The following NCAM2 variants were observed in gnomAD, a reference collection of about 807,000 sequenced individuals.
NCAM2 encodes neural cell adhesion molecule 2.
In NCAM2, 30 loss-of-function variants were observed where a neutral mutation model predicts 98.1. The observed-to-expected ratio is 0.31, with a 90% CI of 0.23 to 0.41. The LOEUF (loss-of-function observed/expected upper bound fraction) is 0.41, where lower values mean the gene tolerates loss of function less well. NCAM2 is among the 10% of genes least tolerant of loss of function. The pLI is 1.00. For missense variants in NCAM2, 867 were observed against 1,005.8 expected (o/e 0.86, Z 1.87); for synonymous variants, 368 against 342.4 (o/e 1.07, Z -0.83).
chr21:21,149,358 A>T (rs1414754043), intron 1 of NCAM2, among the ~76,000 whole-genome samples: 1 of 152,004 alleles, frequency 6.6e-6, no homozygotes, highest in African/African-American at 2.4e-5. Flanking sequence ...AATATTTCTC[A>T]ATTTATTTAG....
chr21:21,376,858 A>G (rs1171908203), intron 9 of NCAM2, among the ~76,000 whole-genome samples: 1 of 151,784 alleles, frequency 6.6e-6, no homozygotes, highest in African/African-American at 2.4e-5. Flanking sequence ...AACAGGGATG[A>G]AAGGTCTTGT....
At chr21:21,473,631 T>C (rs1984768878) in intron 14 of NCAM2, among the ~76,000 whole-genome samples, 1 of 151,756 alleles carries the variant, frequency 6.6e-6, no homozygotes, top group Admixed American at 6.6e-5. Flanking sequence ...TTCTCTATTG[T>C]CCTCTCATTT....
chr21:21,068,562 C>T (rs1184608206), intron 1 of NCAM2, among the ~76,000 whole-genome samples: 5 of 150,852 alleles, frequency 3.3e-5, no homozygotes, highest in East Asian at 4.0e-4. Context: ...CAGGTTCACG[C>T]GATTCTTCTG....
At chr21:21,201,417 G>A (rs1184529973) in intron 1 of NCAM2, among the ~76,000 whole-genome samples, 1 of 152,160 alleles carries the variant, frequency 6.6e-6, no homozygotes, top group African/African-American at 2.4e-5. Context: ...AAAACAGCAA[G>A]TTTACATCCT....
At chr21:21,122,399 T>A (rs2064485881) in intron 1 of NCAM2, among the ~76,000 whole-genome samples, 1 of 152,196 alleles carries the variant, frequency 6.6e-6, no homozygotes, top group South Asian at 2.1e-4. Flanking sequence ...AGGAAGAAGA[T>A]AGTTTTGAAT....
At chr21:21,253,980 A>G (rs2071567269) in intron 1 of NCAM2, among the ~76,000 whole-genome samples, 2 of 152,190 alleles carry the variant, frequency 1.3e-5, no homozygotes. Context: ...TATAAAATTT[A>G]AGACCTATGG....
chr21:21,092,954 CAAT>C (rs1175978116), intron 1 of NCAM2, among the ~76,000 whole-genome samples: 4 of 152,158 alleles, frequency 2.6e-5, no homozygotes, highest in African/African-American at 9.6e-5. Flanking sequence ...ATTTTTGCAA[CAAT>C]GAGTGGAATA....
intron 1 of NCAM2, among the ~76,000 whole-genome samples, chr21:21,157,928 A>G (rs768425798): frequency 6.6e-6 from 1 of 152,130 alleles, no homozygotes; most frequent in African/African-American, 2.4e-5. Flanking sequence ...CTCCTAATAC[A>G]AAAGATGTTT....
At chr21:21,108,904 A>C (rs373655460) in intron 1 of NCAM2, among the ~76,000 whole-genome samples, 42 of 152,236 alleles carry the variant, frequency 2.8e-4, no homozygotes, top group African/African-American at 5.8e-4. Flanking sequence ...CAACCCCACT[A>C]TTTGCTAACT....
At chr21:21,082,713 C>T (rs919946247) in intron 1 of NCAM2, among the ~76,000 whole-genome samples, 6 of 152,190 alleles carry the variant, frequency 3.9e-5, no homozygotes, top group Non-Finnish European at 7.4e-5. Context: ...TTATTATGTT[C>T]ATCTTTATGT....
intron 1 of NCAM2, among the ~76,000 whole-genome samples, chr21:21,136,623 G>GT (rs2067057882): frequency 1.8e-5 from 1 of 55,750 alleles, no homozygotes; most frequent in Non-Finnish European, 3.5e-5. Flanking sequence ...CACCACGCCT[G>GT]TTTTTTGTTT....
At chr21:21,279,313 CCTTTGATGGTAAAT>C (rs975381989) in intron 1 of NCAM2, among the ~76,000 whole-genome samples, 3 of 152,110 alleles carry the variant, frequency 2.0e-5, no homozygotes, top group Non-Finnish European at 4.4e-5. Flanking sequence ...TTTATACCCT[CCTTTGATGGTAAAT>C]CTTATTCCAG....
chr21:21,237,931 G>A (rs1401400921), intron 1 of NCAM2, among the ~76,000 whole-genome samples: 1 of 136,410 alleles, frequency 7.3e-6, no homozygotes, highest in Non-Finnish European at 1.6e-5. Flanking sequence ...GTTAAATTTT[G>A]TCCAGGGCAT....
intron 8 of NCAM2, among the ~76,000 whole-genome samples, chr21:21,343,570 AG>A (rs2147900972): frequency 1.3e-5 from 2 of 152,298 alleles, no homozygotes; most frequent in East Asian, 3.9e-4. Flanking sequence ...TGGGAGCTGG[AG>A]GAGAGAGAAC....
chr21:21,038,989 A>G (rs189725396), intron 1 of NCAM2, among the ~76,000 whole-genome samples: 1 of 152,324 alleles, frequency 6.6e-6, no homozygotes, highest in Admixed American at 6.5e-5. Flanking sequence ...ATATTTCTTG[A>G]TCAGAGAAAC....
At chr21:21,465,285 C>G (rs1391794240) in intron 12 of NCAM2, among the ~76,000 whole-genome samples, 1 of 151,646 alleles carries the variant, frequency 6.6e-6, no homozygotes, top group Non-Finnish European at 1.5e-5. Context: ...TAAATGATTA[C>G]AATACAAAAT....
rs1989887372 is a variant in NCAM2 at position 21,534,675 on chromosome 21, T to C, written c.2402+19T>C. On this transcript the variant is annotated intron_variant, in intron 17 of 17. Transcript: ENST00000400546. ...AACCTGAGTATGTGGCTTGGAGTGC[T>C]CACTTATGTTCAAATGGGTATTGGC... 6 of 1,547,778 alleles carry C rather than the reference T, an allele frequency of 3.9e-6. No homozygotes were observed.
intron 1 of NCAM2, among the ~76,000 whole-genome samples, chr21:21,201,812 T>C (rs565479150): frequency 6.6e-6 from 1 of 152,314 alleles, no homozygotes; most frequent in East Asian, 1.9e-4. Context: ...TCTCAAATAA[T>C]GGTCTCTGGA....
chr21:21,368,186 A>C (rs2075831798), intron 8 of NCAM2, among the ~76,000 whole-genome samples: 1 of 152,000 alleles, frequency 6.6e-6, no homozygotes, highest in South Asian at 2.1e-4. Flanking sequence ...ATACAGCCAT[A>C]GTATAATTTT....
Sources: allele counts gnomAD v4.1 joint callset (sites outside exome capture counted in the v4.1 genomes callset), GRCh38; gene constraint gnomAD v4.1.1; transcripts MANE v1.5; gene names NCBI Gene and HGNC (gene_info 2026-07-23, HGNC 2026-07-21).